Variants in CCDC126 observed in about 807,000 individuals in gnomAD.
The protein encoded by CCDC126 is coiled-coil domain containing 126.
In CCDC126, 5 loss-of-function variants were observed where a neutral mutation model predicts 11.7. The observed-to-expected ratio is 0.43, with a 90% confidence interval of 0.22 to 0.90. The LOEUF is 0.90. CCDC126 is among the 40% of genes least tolerant of loss of function. The pLI, the probability that CCDC126 is intolerant of heterozygous loss-of-function variation, is 0.27. For missense variants in CCDC126, 150 were observed against 163.1 expected (o/e 0.92, Z 0.44); for synonymous variants, 60 against 61.9 (o/e 0.97, Z 0.14).
In CCDC126 at chr7:23,605,317, G is replaced by A. The variant is rs144370325; in HGVS notation, c.-145-5854G>A. The stretch of plus-strand genomic sequence containing the variant: ...GGGCTTGTGGATTGCATGTTGTAAA[G>A]GTTGGTACTGAGTTTGCATGTTAGA... On this transcript the variant is annotated intron_variant, in intron 2 of 3. Transcript: ENST00000307471. 3.5e-3 allele frequency among the ~76,000 whole-genome samples: 535 copies of A among 152,162 alleles called. 6 individuals are homozygous for A. The highest frequency in any genetic ancestry group is 0.012 in the African/African-American group (503 of 41,510).
chr7:23,611,221 G>T lies in CCDC126; in HGVS notation c.-95G>T. On this transcript the variant is annotated 5_prime_UTR_variant, in exon 3 of 4. An upstream open reading frame in the 5' UTR loses its in-frame stop. Coordinates refer to ENST00000307471, the MANE Select transcript of CCDC126 (RefSeq NM_138771.4). ...CTGAAGATGAAGAATATACAATATT[G>T]AGGATATTTTTTTCTTTTTTTTTTC... 1 of 751,022 alleles carries T rather than the reference G, an allele frequency of 1.3e-6. No individual in the cohort carries two copies. The allele number at this position is 751,022 out of a possible 1,614,324, so 46.5% of individuals were successfully genotyped here.
chr7:23,626,230 G>C (rs936134796), intron 3 of CCDC126, among the ~76,000 whole-genome samples: 1 of 151,994 alleles, frequency 6.6e-6, no homozygotes, highest in Non-Finnish European at 1.5e-5. Context: ...CTTTTCTCCA[G>C]ATGAGTTAGC....
At chr7:23,638,733 A>AAAAAAAAAAAAAAAC (rs1783293198) in intron 3 of CCDC126, among the ~76,000 whole-genome samples, 1 of 140,320 alleles carries the variant, frequency 7.1e-6, no homozygotes, top group Non-Finnish European at 1.6e-5. Flanking sequence ...AAATTAAAAA[A>AAAAAAAAAAAAAAAC]AAAAAAAAAA....
intron 3 of CCDC126, among the ~76,000 whole-genome samples, chr7:23,616,865 G>A (rs1782802974): frequency 6.6e-6 from 1 of 152,092 alleles, no homozygotes; most frequent in Non-Finnish European, 1.5e-5. Flanking sequence ...TGATTTCTAT[G>A]TTTTTCATTC....
intron 3 of CCDC126, among the ~76,000 whole-genome samples, chr7:23,623,944 T>C (rs1481385256): frequency 6.6e-6 from 1 of 152,208 alleles, no homozygotes; most frequent in Non-Finnish European, 1.5e-5. Context: ...CCCAGAACTT[T>C]GCACCTAGTC....
At chr7:23,603,815 C>T (rs1288858130) in intron 2 of CCDC126, among the ~76,000 whole-genome samples, 2 of 152,148 alleles carry the variant, frequency 1.3e-5, no homozygotes, top group African/African-American at 4.8e-5. Context: ...AGGCATTTCT[C>T]AGTGACGGCT....
intron 3 of CCDC126, among the ~76,000 whole-genome samples, chr7:23,635,057 T>G (rs1783185955): frequency 6.6e-6 from 1 of 152,266 alleles, no homozygotes; most frequent in Non-Finnish European, 1.5e-5. Context: ...TATGTTTTTA[T>G]GTGATTCTTT....
chr7:23,640,002 G>A (rs1783325336), intron 3 of CCDC126, among the ~76,000 whole-genome samples: 1 of 151,804 alleles, frequency 6.6e-6, no homozygotes, highest in African/African-American at 2.4e-5. Context: ...GGCCAACATG[G>A]TGAAACCCTG....
At chr7:23,627,396 T>G (rs768408280) in intron 3 of CCDC126, among the ~76,000 whole-genome samples, 1 of 151,388 alleles carries the variant, frequency 6.6e-6, no homozygotes, top group Non-Finnish European at 1.5e-5. Flanking sequence ...TCCCAGCACT[T>G]TAGGAGGCCC....
At chr7:23,637,562 C>T (rs2128022243) in intron 3 of CCDC126, among the ~76,000 whole-genome samples, 1 of 27,226 alleles carries the variant, frequency 3.7e-5, no homozygotes, top group East Asian at 9.9e-4. Flanking sequence ...CCAGCCGCCC[C>T]TTCCGGGAGG....
intron 3 of CCDC126, among the ~76,000 whole-genome samples, chr7:23,638,726 TTAAAAAAA>T (rs1783291784): frequency 5.1e-5 from 2 of 39,214 alleles, no homozygotes; most frequent in Non-Finnish European, 9.4e-5. Context: ...AAAAAAAAAA[TTAAAAAAA>T]AAAAAAAAAA....
chr7:23,640,073 C>T (rs1472240011), intron 3 of CCDC126, among the ~76,000 whole-genome samples: 2 of 151,930 alleles, frequency 1.3e-5, no homozygotes, highest in African/African-American at 2.4e-5. Flanking sequence ...ATCCCAGCTA[C>T]TCGGGAGGCT....
intron 3 of CCDC126, among the ~76,000 whole-genome samples, chr7:23,640,334 C>G (rs1010379053): frequency 6.6e-6 from 1 of 151,168 alleles, no homozygotes; most frequent in Non-Finnish European, 1.5e-5. Flanking sequence ...CCCACATCTA[C>G]TAAAAATACA....
At position 23,643,778 on chromosome 7, in the gene CCDC126, C is replaced by T. The variant is rs970633652; in HGVS notation, c.*663C>T. Reference sequence around the variant, plus strand: ...GTAGCAGCCACTGTCCATTACCTATCGTAAACATTGGGGCAATTTAATAAC... The same window carrying T: ...GTAGCAGCCACTGTCCATTACCTATTGTAAACATTGGGGCAATTTAATAAC... On this transcript the variant is annotated 3_prime_UTR_variant, in exon 4 of 4. Coordinates refer to ENST00000307471, the MANE Select transcript of CCDC126 (RefSeq NM_138771.4). The T allele has an allele frequency of 2.0e-5, 3 of 152,196 alleles. No individual in the cohort carries two copies. The highest frequency in any genetic ancestry group is 2.1e-4 in the South Asian group (1 of 4,812). 9.4% of individuals were successfully genotyped at this position (152,196 alleles called of 1,614,324 possible).
intron 2 of CCDC126, among the ~76,000 whole-genome samples, chr7:23,607,090 A>G (rs1344748159): frequency 6.6e-6 from 1 of 152,094 alleles, no homozygotes; most frequent in African/African-American, 2.4e-5. Context: ...ACAGAGCGAG[A>G]CCCTGTCTCA....
At chr7:23,606,927 TAA>T (rs1325816644) in intron 2 of CCDC126, among the ~76,000 whole-genome samples, 2 of 141,868 alleles carry the variant, frequency 1.4e-5, no homozygotes, top group Admixed American at 7.1e-5. Context: ...GAGACCCCTC[TAA>T]AAAAAAAAAA....
chr7:23,627,111 G>A (rs1047851480), intron 3 of CCDC126, among the ~76,000 whole-genome samples: 4 of 152,212 alleles, frequency 2.6e-5, no homozygotes, highest in African/African-American at 9.6e-5. Flanking sequence ...ACCTGGTTCT[G>A]AATCTCCAGC....
intron 2 of CCDC126, among the ~76,000 whole-genome samples, chr7:23,600,815 A>G (rs1309936505): frequency 6.6e-6 from 1 of 152,202 alleles, no homozygotes; most frequent in African/African-American, 2.4e-5. Flanking sequence ...TGTTTGCATA[A>G]AATACAAGGA....
intron 3 of CCDC126, among the ~76,000 whole-genome samples, chr7:23,629,397 G>A (rs6461719): frequency 0.42 from 64,569 of 152,070 alleles, 15,356 homozygotes; most frequent in South Asian, 0.63. Context: ...CCTTGATAGT[G>A]TATACTTTCC....
Sources: allele counts gnomAD v4.1 joint callset (sites outside exome capture counted in the v4.1 genomes callset), GRCh38; gene constraint gnomAD v4.1.1; transcripts MANE v1.5; gene names NCBI Gene and HGNC (gene_info 2026-07-23, HGNC 2026-07-21).